The following SUSD1 variants were observed in gnomAD, a reference collection of about 807,000 sequenced individuals.
SUSD1 encodes sushi domain containing 1, also known as sushi domain-containing protein 1.
In SUSD1, 65 loss-of-function variants were observed where a neutral mutation model predicts 86.9. The ratio of observed to expected loss-of-function variants is 0.75; its 90% CI spans 0.61 to 0.92. The LOEUF (loss-of-function observed/expected upper bound fraction) is 0.92. SUSD1 is among the 40% of genes least tolerant of loss of function. The probability of loss-of-function intolerance (pLI) is 0.00; values close to 1 mark genes in which losing one functional copy is unlikely to be tolerated. For missense variants in SUSD1, 850 were observed against 929.7 expected (o/e 0.91, Z 1.11); for synonymous variants, 346 against 350.0 (o/e 0.99, Z 0.13).
intron 12 of SUSD1, among the ~76,000 whole-genome samples, chr9:112,069,613 C>T (rs529299485): frequency 3.7e-4 from 56 of 152,258 alleles, no homozygotes; most frequent in Middle Eastern, 3.4e-3. Flanking sequence ...TTTTTTATTA[C>T]GTGTCTCCTC....
chr9:112,149,152 C>T, intron 3 of SUSD1, 92 bp downstream of exon 3: 1 of 1,513,456 alleles, frequency 6.6e-7, no homozygotes, highest in South Asian at 1.3e-5. Context: ...TCTAACAAAA[C>T]TAACATTAAT....
intron 2 of SUSD1, among the ~76,000 whole-genome samples, chr9:112,149,768 G>T (rs1832965583): frequency 6.6e-6 from 1 of 152,170 alleles, no homozygotes; most frequent in South Asian, 2.1e-4. Flanking sequence ...CATTCTCATG[G>T]TTTTCCATGA....
chr9:112,131,340 C>T (rs905435747), intron 5 of SUSD1, among the ~76,000 whole-genome samples: 1 of 152,176 alleles, frequency 6.6e-6, no homozygotes, highest in Non-Finnish European at 1.5e-5. Context: ...TCGATGACAA[C>T]GCCTCCTGCC....
At chr9:112,142,578 C>T in intron 4 of SUSD1, 79 bp from the exon 5 acceptor site, 2 of 1,354,470 alleles carry the variant, frequency 1.5e-6, no homozygotes, top group Non-Finnish European at 2.0e-6. Flanking sequence ...CACCTCTACC[C>T]TATTCCTCAC....
intron 1 of SUSD1, among the ~76,000 whole-genome samples, chr9:112,158,459 C>T (rs1248705970): frequency 6.6e-6 from 1 of 152,040 alleles, no homozygotes; most frequent in Non-Finnish European, 1.5e-5. Context: ...GGCATGATCT[C>T]AGCTCACTGC....
intron 2 of SUSD1, among the ~76,000 whole-genome samples, chr9:112,155,975 A>G (rs899832108): frequency 3.3e-5 from 5 of 150,730 alleles, no homozygotes; most frequent in Non-Finnish European, 7.4e-5. Context: ...GAAGGAAAGG[A>G]GAGAGAAAGA....
chr9:112,118,775 G>A (rs1184892069), intron 6 of SUSD1, among the ~76,000 whole-genome samples: 5 of 152,122 alleles, frequency 3.3e-5, no homozygotes, highest in East Asian at 1.9e-4. Context: ...GTGAGCCACC[G>A]CGCCCAGCCA....
chr9:112,067,013 C>T (rs1394665059), intron 12 of SUSD1, among the ~76,000 whole-genome samples: 2 of 152,102 alleles, frequency 1.3e-5, no homozygotes, highest in Non-Finnish European at 2.9e-5. Context: ...GTAGCTGGGA[C>T]TACAAGGCAT....
Position 112,078,809 on chromosome 9 carries a change from C to CTGTTT in SUSD1, c.1567-86_1567-85insAAACA, listed in dbSNP as rs1554756866. 6 of 830,124 alleles carry CTGTTT rather than the reference C, an allele frequency of 7.2e-6. No individual in the cohort carries two copies. The African/African-American group carries it at 1.2e-4, about 16-fold the overall frequency. 51.4% of individuals were successfully genotyped at this position (830,124 alleles called of 1,614,324 possible). A position where few individuals can be genotyped will look rare whatever the true frequency, so the allele number is the denominator to read the frequency against. On this transcript the variant is annotated intron_variant, in intron 11 of 16. Coordinates refer to ENST00000374270, the MANE Select transcript of SUSD1 (RefSeq NM_022486.5). ...AAACCTCCCCTTTTCCTTTTTCTTT[C>CTGTTT]TCTTTTTTTTTTTTTTTTTTTGAGA...
intron 15 of SUSD1, among the ~76,000 whole-genome samples, chr9:112,044,020 G>A (rs1239964837): frequency 1.3e-5 from 2 of 152,024 alleles, no homozygotes; most frequent in Admixed American, 6.6e-5. Flanking sequence ...GGCTGGTCTC[G>A]AACTCTTGAC....
At chr9:112,152,236 A>G (rs898816591) in intron 2 of SUSD1, among the ~76,000 whole-genome samples, 2 of 151,856 alleles carry the variant, frequency 1.3e-5, no homozygotes, top group Admixed American at 6.6e-5. Context: ...TTCTTCAATA[A>G]TAAATTAACT....
chr9:112,155,915 G>A (rs1359172005), intron 2 of SUSD1, among the ~76,000 whole-genome samples: 1 of 149,498 alleles, frequency 6.7e-6, no homozygotes. Flanking sequence ...AGAAAGAAGA[G>A]GAGGAGGAAG....
At chr9:112,059,766 C>T (rs569389911) in intron 13 of SUSD1, among the ~76,000 whole-genome samples, 17 of 152,274 alleles carry the variant, frequency 1.1e-4, no homozygotes, top group African/African-American at 4.1e-4. Context: ...AATAAAAATG[C>T]ACTGAGAATG....
At chr9:112,046,616 C>T (rs113856311) in intron 15 of SUSD1, among the ~76,000 whole-genome samples, 11 of 152,138 alleles carry the variant, frequency 7.2e-5, no homozygotes, top group African/African-American at 2.2e-4. Context: ...AGCTTGAGGA[C>T]GCTCCATGGG....
chr9:112,159,440 C>G, intron 1 of SUSD1, among the ~76,000 whole-genome samples: 1 of 152,246 alleles, frequency 6.6e-6, no homozygotes. Flanking sequence ...TAAGACAAAC[C>G]GCTAATCATC....
At chr9:112,057,694 T>C (rs1828513088) in intron 14 of SUSD1, among the ~76,000 whole-genome samples, 1 of 152,240 alleles carries the variant, frequency 6.6e-6, no homozygotes, top group African/African-American at 2.4e-5. Flanking sequence ...GTTTTAAATA[T>C]GTGATAAACC....
chr9:112,085,672 A>G (rs1483870278), intron 10 of SUSD1, among the ~76,000 whole-genome samples: 1 of 152,240 alleles, frequency 6.6e-6, no homozygotes, highest in Admixed American at 6.5e-5. Flanking sequence ...AAAGAAATCT[A>G]TGAACTCAAG....
chr9:112,045,659 G>A (rs1197382423), intron 15 of SUSD1, among the ~76,000 whole-genome samples: 1 of 152,014 alleles, frequency 6.6e-6, no homozygotes, highest in Non-Finnish European at 1.5e-5. Flanking sequence ...TGAAGACCTT[G>A]CTTTGCCTTG....
In SUSD1 at chr9:112,058,498, T is replaced by C; in HGVS notation, c.2039A>G (p.Tyr680Cys). 6.2e-7 allele frequency: 1 copy of C among 1,614,218 alleles called. No homozygotes were observed. The highest frequency in any genetic ancestry group is 8.5e-7 in the Non-Finnish European group (1 of 1,180,018). The change falls in exon 14 of 17, where the codon TAT becomes TGT. Residue 680 changes from tyrosine (Y) to cysteine (C), a missense_variant. Tyr to Cys is a radical substitution (Grantham distance 194, BLOSUM62 -2). Coordinates refer to ENST00000374270, the MANE Select transcript of SUSD1 (RefSeq NM_022486.5). ...PIGDRLYYGE[Y>C]YNAPLKRGSD... ...CCCTCTTTTCAAGGGTGCATTATAA[T>C]ATTCCCCATAGTACAGCCTGTCTCC...
Sources: allele counts gnomAD v4.1 joint callset (sites outside exome capture counted in the v4.1 genomes callset), GRCh38; gene constraint gnomAD v4.1.1; transcripts MANE v1.5; gene names NCBI Gene and HGNC (gene_info 2026-07-23, HGNC 2026-07-21).